Variants in TCP11L1 observed in about 807,000 individuals in gnomAD.
TCP11L1 encodes T-complex protein 11-like protein 1.
In TCP11L1, 28 loss-of-function variants were observed where a neutral mutation model predicts 48.9. The ratio of observed to expected loss-of-function variants is 0.57; its 90% CI spans 0.42 to 0.78. The LOEUF is 0.78. Ranked by LOEUF, TCP11L1 falls within the 30% of genes least tolerant of loss-of-function variation. The pLI is 0.00. For missense variants in TCP11L1, 505 were observed against 613.4 expected, an observed-to-expected ratio of 0.82 and a Z score of 1.87; for synonymous variants, 204 against 231.9, an observed-to-expected ratio of 0.88 and a Z score of 1.09.
chr11:33,065,905 T>A lies in TCP11L1; in HGVS notation c.1048T>A (p.Leu350Met). ...LEQLTILGAV[L>M]LVTFSMAAPG... ...ACAACTGACCATCCTGGGGGCTGTG[T>A]TGCTGGTCACCTTCAGCATGGCAGC... The change falls in exon 8 of 10, where the codon TTG (leucine) becomes ATG (methionine). Residue 350 changes from leucine (L) to methionine (M), a missense_variant. Transcript: ENST00000334274. 6.2e-7 allele frequency: 1 copy of A among 1,614,224 alleles called. No individual in the cohort carries two copies. The highest frequency in any genetic ancestry group is 8.5e-7 in the Non-Finnish European group (1 of 1,180,016).
chr11:33,053,008 T>TA (rs1158129192), intron 2 of TCP11L1, among the ~76,000 whole-genome samples: 5 of 151,604 alleles, frequency 3.3e-5, no homozygotes, highest in East Asian at 1.9e-4. Context: ...AATAGAAAAA[T>TA]AAAAAATGCA....
At chr11:33,067,935 TA>T (rs1854666097) in intron 8 of TCP11L1, among the ~76,000 whole-genome samples, 1 of 151,968 alleles carries the variant, frequency 6.6e-6, no homozygotes, top group Non-Finnish European at 1.5e-5. Flanking sequence ...TATATTTTTT[TA>T]TTTTTTTGTG....
At chr11:33,046,933 A>G (rs1300113524) in intron 2 of TCP11L1, among the ~76,000 whole-genome samples, 1 of 150,240 alleles carries the variant, frequency 6.7e-6, no homozygotes, top group Non-Finnish European at 1.5e-5. Context: ...TTAAGAGTGG[A>G]GTTGCTAGGC....
chr11:33,068,566 A>G (rs1590243187), intron 8 of TCP11L1, 121 bp from the exon 9 acceptor site: 3 of 1,255,372 alleles, frequency 2.4e-6, no homozygotes, highest in African/African-American at 1.5e-5. Flanking sequence ...AGAGTCTCAA[A>G]TTGTCCCTTG....
At position 33,072,770 on chromosome 11, in the gene TCP11L1, A is replaced by T; in HGVS notation, c.*94A>T. The T allele has an allele frequency of 2.2e-6, 3 of 1,372,446 alleles. No individual in the cohort carries two copies. The highest frequency in any genetic ancestry group is 3.1e-6 in the Non-Finnish European group (3 of 975,594). 85.0% of individuals were successfully genotyped at this position (1,372,446 alleles called of 1,614,324 possible). ...GCATTGGAAAATGGCTATATAGTAC[A>T]TGTCTATTTAACAGCACCGATTCCA... is the stretch of plus-strand genomic sequence containing the variant. On this transcript the variant is annotated 3_prime_UTR_variant, in exon 10 of 10. Coordinates refer to ENST00000334274, the MANE Select transcript of TCP11L1 (RefSeq NM_018393.4).
At chr11:33,070,933 C>T (rs1441079224) in intron 9 of TCP11L1, among the ~76,000 whole-genome samples, 5 of 144,440 alleles carry the variant, frequency 3.5e-5, no homozygotes, top group Middle Eastern at 4.2e-3. Context: ...ACCCAGGAGG[C>T]GGGGGTTGCA....
chr11:33,064,566 A>T (rs1335747679), intron 7 of TCP11L1, among the ~76,000 whole-genome samples: 1 of 147,354 alleles, frequency 6.8e-6, no homozygotes, highest in Non-Finnish European at 1.5e-5. Flanking sequence ...TGTCTTTAAC[A>T]TGGGGGAGGC....
At chr11:33,068,992 C>A in intron 9 of TCP11L1, 133 bp downstream of exon 9, 1 of 1,164,718 alleles carries the variant, frequency 8.6e-7, no homozygotes, top group Non-Finnish European at 1.2e-6. Context: ...TGAAGCACCA[C>A]AGAGAGACCA....
intron 9 of TCP11L1, among the ~76,000 whole-genome samples, chr11:33,070,173 C>T (rs965405756): frequency 2.0e-5 from 3 of 151,882 alleles, no homozygotes; most frequent in African/African-American, 4.8e-5. Context: ...CCTTGCTACT[C>T]GGGAGGCTGA....
chr11:33,048,199 G>A (rs1854056113), intron 2 of TCP11L1, among the ~76,000 whole-genome samples: 1 of 116,026 alleles, frequency 8.6e-6, no homozygotes. Context: ...TTTTTTTTAA[G>A]ACCGGATCAC....
At chr11:33,058,209 T>C in intron 5 of TCP11L1, 70 bp downstream of exon 5, 1 of 1,394,938 alleles carries the variant, frequency 7.2e-7, no homozygotes, top group South Asian at 1.5e-5. Context: ...TTCTTTTCTT[T>C]TTTTTTTGAG....
chr11:33,041,582 C>G (rs1463211818), intron 1 of TCP11L1, among the ~76,000 whole-genome samples: 1 of 152,160 alleles, frequency 6.6e-6, no homozygotes, highest in African/African-American at 2.4e-5. Flanking sequence ...GAAACCCCAT[C>G]TCTACTAAAA....
At chr11:33,065,743 A>G in intron 7 of TCP11L1, 87 bp from the exon 8 acceptor site, 1 of 1,429,632 alleles carries the variant, frequency 7.0e-7, no homozygotes. Flanking sequence ...GAAGCTGCAG[A>G]GGCAGGTGTG....
intron 2 of TCP11L1, among the ~76,000 whole-genome samples, chr11:33,049,972 C>G (rs1213895115): frequency 6.6e-6 from 1 of 152,088 alleles, no homozygotes; most frequent in African/African-American, 2.4e-5. Flanking sequence ...TAGGCAGAGG[C>G]CCCTGCTGGA....
chr11:33,045,246 G>C (rs1853954693), intron 2 of TCP11L1, among the ~76,000 whole-genome samples: 1 of 151,930 alleles, frequency 6.6e-6, no homozygotes, highest in Non-Finnish European at 1.5e-5. Flanking sequence ...CCAGCTACTT[G>C]TGGGGCTAAG....
chr11:33,066,411 A>T (rs1854620433), intron 8 of TCP11L1, among the ~76,000 whole-genome samples: 1 of 152,164 alleles, frequency 6.6e-6, no homozygotes, highest in Non-Finnish European at 1.5e-5. Context: ...CATGGGGCAC[A>T]TAGTAGATGT....
intron 4 of TCP11L1, 128 bp downstream of exon 4, chr11:33,057,363 G>A: frequency 6.9e-7 from 1 of 1,455,954 alleles, no homozygotes; most frequent in Non-Finnish European, 9.3e-7. Context: ...GCCAGAAGGT[G>A]GATCAAGAGT....
At chr11:33,067,804 G>C (rs1451525659) in intron 8 of TCP11L1, among the ~76,000 whole-genome samples, 2 of 152,064 alleles carry the variant, frequency 1.3e-5, no homozygotes, top group South Asian at 2.1e-4. Context: ...CAGCATGGGG[G>C]CTCCCCACAG....
chr11:33,071,016 A>T (rs1490533240), intron 9 of TCP11L1, among the ~76,000 whole-genome samples: 2 of 151,346 alleles, frequency 1.3e-5, no homozygotes, highest in Non-Finnish European at 2.9e-5. Flanking sequence ...AGAAAAAAAA[A>T]AGAAGAAGGG....
Sources: allele counts gnomAD v4.1 joint callset (sites outside exome capture counted in the v4.1 genomes callset), GRCh38; gene constraint gnomAD v4.1.1; transcripts MANE v1.5; gene names NCBI Gene and HGNC (gene_info 2026-07-23, HGNC 2026-07-21).